BRCA2: variants seen among roughly 807,000 people sequenced by gnomAD.
The protein encoded by BRCA2 is BRCA2 DNA repair associated.
Under a neutral mutation model 276.7 loss-of-function variants are expected in BRCA2, and 203 were observed. The ratio of observed to expected loss-of-function variants is 0.73; its 90% CI spans 0.65 to 0.82. The LOEUF (loss-of-function observed/expected upper bound fraction) is 0.82. Among genes scored for constraint, BRCA2 ranks in the 40% least tolerant of loss-of-function variants. The pLI is 0.00. For synonymous variants in BRCA2, 1,289 were observed against 1,338.4 expected (o/e 0.96, Z 0.81); for missense variants, 3,920 against 3,915.0 (o/e 1.00, Z -0.03).
In BRCA2 at chr13:32,356,541, A is replaced by C; in HGVS notation, c.7549A>C (p.Thr2517Pro). 6.2e-7 allele frequency: 1 copy of C among 1,614,074 alleles called. No individual in the cohort carries two copies. The highest frequency in any genetic ancestry group is 8.5e-7 in the Non-Finnish European group (1 of 1,180,012). Residue 2517 changes from threonine (T) to proline (P), a missense_variant, in exon 15 of 27, where the codon ACT becomes CCT. By Grantham distance (38) the Thr-to-Pro change is conservative (BLOSUM62 -1). Transcript: ENST00000380152. The part of the protein sequence containing the change: ...PGSLYLAKTS[T>P]LPRISLKAAV... ...CAGTCTGTATCTTGCAAAAACATCC[A>C]CTCTGCCTCGAATCTCTCTGAAAGC...
intron 12 of BRCA2, among the ~76,000 whole-genome samples, chr13:32,345,243 G>T (rs936582989): frequency 3.4e-4 from 52 of 151,986 alleles, no homozygotes; most frequent in African/African-American, 1.2e-3. Flanking sequence ...CAAGTAAAAG[G>T]TATTTCATGA....
chr13:32,363,810 G>C (rs1263070777), intron 18 of BRCA2, among the ~76,000 whole-genome samples: 1 of 152,124 alleles, frequency 6.6e-6, no homozygotes, highest in East Asian at 1.9e-4. Context: ...CTGCCCTCTT[G>C]TTCTCATAGC....
At chr13:32,355,784 G>A (rs2072688877) in intron 14 of BRCA2, among the ~76,000 whole-genome samples, 2 of 151,918 alleles carry the variant, frequency 1.3e-5, no homozygotes, top group South Asian at 4.2e-4. Flanking sequence ...GGAGGCTGAG[G>A]CAGGAGAATC....
chr13:32,362,838 C>G, intron 17 of BRCA2, 145 bp downstream of exon 17: 1 of 889,558 alleles, frequency 1.1e-6, no homozygotes, highest in Non-Finnish European at 1.8e-6. Context: ...CCTGTCATCC[C>G]TAGCCCCCAT....
rs1057522089 is a variant in BRCA2, at chr13:32,339,941, G to A, written c.5586G>A (p.Val1862=). The A allele has an allele frequency of 6.2e-7, 1 of 1,606,872 alleles. No individual in the cohort carries two copies. Among genetic ancestry groups the A allele is most frequent in the Non-Finnish European group, 8.5e-7 (1 of 1,176,568 alleles). The change falls in exon 11 of 27, where the codon GTG becomes GTA. Residue 1862 remains valine, a synonymous_variant. Transcript: ENST00000380152. Reference sequence around the variant, plus strand: ...TTTCACATGAAACAATTAAAAAAGTGAAAGACATATTTACAGACAGTTTCA... The same window carrying A: ...TTTCACATGAAACAATTAAAAAAGTAAAAGACATATTTACAGACAGTTTCA... ...VCVSHETIKK[V]KDIFTDSFSK...
chr13:32,322,090 T>C (rs1248459804), intron 3 of BRCA2, among the ~76,000 whole-genome samples: 1 of 152,234 alleles, frequency 6.6e-6, no homozygotes, highest in Non-Finnish European at 1.5e-5. Flanking sequence ...TCTGCCATTA[T>C]GGCATTATAC....
chr13:32,373,523 A>T lies in BRCA2; in HGVS notation c.8632+2423A>T, dbSNP rs150493955. Among the ~76,000 whole-genome samples, 320 of 152,154 alleles carry T rather than the reference A, an allele frequency of 2.1e-3. 1 individual carries two copies. Among genetic ancestry groups the T allele is most frequent in the African/African-American group, 7.1e-3 (293 of 41,544 alleles). The stretch of plus-strand genomic sequence containing the variant: ...TCTGTCTCAAAAAAATAAATAAAAA[A>T]AAATAATAAAAATAACTCCTAGCCT... On this transcript the variant is annotated intron_variant, in intron 20 of 26. Coordinates refer to ENST00000380152, the MANE Select transcript of BRCA2 (RefSeq NM_000059.4).
chr13:32,316,602 A>C, intron 2 of BRCA2, 75 bp downstream of exon 2: 1 of 1,236,964 alleles, frequency 8.1e-7, no homozygotes, highest in Non-Finnish European at 1.2e-6. Context: ...CTAAAAACCC[A>C]GTACGTCACA....
At position 32,339,056 on chromosome 13, in the gene BRCA2, A is replaced by G. The variant is rs1555283908; in HGVS notation, c.4701A>G (p.Leu1567=). The G allele has an allele frequency of 6.2e-7, 1 of 1,614,048 alleles. No homozygotes were observed. The highest frequency in any genetic ancestry group is 8.5e-7 in the Non-Finnish European group (1 of 1,179,936). Residue 1567 remains leucine (L), a synonymous_variant, in exon 11 of 27, where the codon CTA becomes CTG. Transcript: ENST00000380152. ...TTAGCCATCAATGGGCAAAGACCCT[A>G]AAGTACAGAGAGGCCTGTAAAGACC... ...TSFSHQWAKT[L]KYREACKDLE...
At position 32,362,563 on chromosome 13, in the gene BRCA2, T is replaced by G; in HGVS notation, c.7846T>G (p.Ser2616Ala). Residue 2616 changes from serine to alanine, a missense_variant, in exon 17 of 27, where the codon TCT (serine) becomes GCT (alanine). By Grantham distance (99) the Ser-to-Ala change is moderately conservative. This residue lies in a region of BRCA2 where 3,263 missense variants were observed against 3,156.9 expected (regional missense o/e 1.03). Transcript: ENST00000380152. Reference sequence around the variant, plus strand: ...TCCAGGTGTGGATCCAAAGCTTATTTCTAGAATTTGGGTTTATAATCACTA... The same window carrying G: ...TCCAGGTGTGGATCCAAAGCTTATTGCTAGAATTTGGGTTTATAATCACTA... ...DTPGVDPKLI[S>A]RIWVYNHYRW... The G allele has an allele frequency of 6.2e-7, 1 of 1,613,974 alleles. No homozygotes were observed. Among genetic ancestry groups the G allele is most frequent in the Non-Finnish European group, 8.5e-7 (1 of 1,179,946 alleles).
chr13:32,395,804 A>G (rs923163219), intron 25 of BRCA2, among the ~76,000 whole-genome samples: 14 of 152,106 alleles, frequency 9.2e-5, no homozygotes, highest in Admixed American at 9.2e-4. Flanking sequence ...TGTATAAAGA[A>G]AGCTGTGTTG....
chr13:32,329,776 C>A lies in BRCA2; in HGVS notation c.681+284C>A, dbSNP rs545560506. On this transcript the variant is annotated intron_variant, in intron 8 of 26. Transcript: ENST00000380152. ...TTGAAACCTTAGATAGTACCGAACCCTATATATATATATTAAAAATGTGTA... is the reference window on the plus strand; with the variant it reads ...TTGAAACCTTAGATAGTACCGAACCATATATATATATATTAAAAATGTGTA... 1.0e-4 allele frequency among the ~76,000 whole-genome samples: 15 copies of A among 150,406 alleles called. No homozygotes were observed. In the South Asian group the frequency reaches 2.7e-3, roughly 27 times the overall value.
In BRCA2 at chr13:32,341,066, T is replaced by C. The variant is rs1555284808; in HGVS notation, c.6711T>C (p.Asp2237=). ...AVEIAKAFME[D]DELTDSKLPS... is the part of the protein sequence containing the mutation. ...AAATTGCTAAAGCTTTTATGGAAGA[T>C]GATGAACTGACAGATTCTAAACTGC... Residue 2237 remains aspartate (D), a synonymous_variant, in exon 11 of 27, where the codon GAT becomes GAC. Coordinates refer to ENST00000380152, the MANE Select transcript of BRCA2 (RefSeq NM_000059.4). 6.2e-7 allele frequency: 1 copy of C among 1,613,862 alleles called. No homozygotes were observed. Among genetic ancestry groups the C allele is most frequent in the African/African-American group, 1.3e-5 (1 of 74,916 alleles).
rs1235958957 is a variant in BRCA2, at chr13:32,329,381, CA to C, written c.632-56del. 4.8e-6 allele frequency: 6 copies of C among 1,243,436 alleles called. No homozygotes were observed. In the East Asian group the frequency reaches 7.1e-5, roughly 15 times the overall value. 77.0% of individuals were successfully genotyped at this position (1,243,436 alleles called of 1,614,324 possible). ...AGTAGATGTGCTTTTTGATGTCTGA[CA>C]AAAAATAAGTTTTTGCATTCTAGTG... On this transcript the variant is annotated intron_variant, in intron 7 of 26. Coordinates refer to ENST00000380152, the MANE Select transcript of BRCA2 (RefSeq NM_000059.4).
rs867181141 is a variant in BRCA2, at chr13:32,385,890, A to C, written c.9256+5745A>C. The C allele has an allele frequency of 3.8e-5, 6 of 158,936 alleles. 1 individual carries two copies. In the Middle Eastern group the frequency reaches 3.5e-3, roughly 94 times the overall value. The allele number at this position is 158,936 out of a possible 1,614,324, so 9.8% of individuals were successfully genotyped here. A position where few individuals can be genotyped will look rare whatever the true frequency, so the allele number is the denominator to read the frequency against. Reference sequence around the variant, plus strand: ...CAATTATCCGTTATTTAAAAGCAATAAAAATAGAAAAAGGCATAATTTTCA... The same window carrying C: ...CAATTATCCGTTATTTAAAAGCAATCAAAATAGAAAAAGGCATAATTTTCA... On this transcript the variant is annotated intron_variant, in intron 24 of 26. Transcript: ENST00000380152.
In BRCA2 at chr13:32,360,727, G is replaced by C. The variant is rs2072732836; in HGVS notation, c.7806-1796G>C. 2.6e-5 allele frequency among the ~76,000 whole-genome samples: 4 copies of C among 152,200 alleles called. No homozygotes were observed. The South Asian group carries it at 8.3e-4, about 32-fold the overall frequency. On this transcript the variant is annotated intron_variant, in intron 16 of 26. Transcript: ENST00000380152. The stretch of plus-strand genomic sequence containing the variant: ...GGAGAGGGGCAAAGATGGACACACA[G>C]AGACCACTTAAGCTATTGCAGAAAT...
At chr13:32,394,244 G>A (rs972741251) in intron 24 of BRCA2, among the ~76,000 whole-genome samples, 1 of 152,146 alleles carries the variant, frequency 6.6e-6, no homozygotes, top group Non-Finnish European at 1.5e-5. Flanking sequence ...TAATGTTTCA[G>A]TGAGTAACCT....
chr13:32,346,845 G>C lies in BRCA2; in HGVS notation c.6956G>C (p.Arg2319Thr), dbSNP rs80358922. Residue 2319 changes from arginine to threonine, a missense_variant, in exon 13 of 27, where the codon AGA (arginine) becomes ACA (threonine). Around this residue, in one of 2 missense-constraint regions of BRCA2, gnomAD observed 3,263 missense variants for 3,156.9 expected, o/e 1.03. Coordinates refer to ENST00000380152, the MANE Select transcript of BRCA2 (RefSeq NM_000059.4). ...TTCCTAGGCACAATAAAAGATCGAA[G>C]ATTGTTTATGCATCATGTTTCTTTA... Reference protein sequence around the residue: ...STPDGTIKDRRLFMHHVSLEP... With the variant: ...STPDGTIKDRTLFMHHVSLEP... 4 of 1,608,692 alleles carry C rather than the reference G, an allele frequency of 2.5e-6. No individual in the cohort carries two copies. The highest frequency in any genetic ancestry group is 3.4e-6 in the Non-Finnish European group (4 of 1,176,960).
intron 12 of BRCA2, 111 bp downstream of exon 12, chr13:32,344,764 GC>G: frequency 1.3e-6 from 1 of 752,838 alleles, no homozygotes; most frequent in Admixed American, 2.4e-5. Context: ...ACAGACATGA[GC>G]CACTGTGCCT....
Sources: allele counts gnomAD v4.1 joint callset (sites outside exome capture counted in the v4.1 genomes callset), GRCh38; gene constraint gnomAD v4.1.1; regional missense constraint gnomAD v4.1.1; transcripts MANE v1.5; gene names NCBI Gene and HGNC (gene_info 2026-07-23, HGNC 2026-07-21).